Variants in SLC44A5 observed in about 807,000 individuals in gnomAD.
The protein encoded by SLC44A5 is solute carrier family 44 member 5, also known as choline transporter-like protein 5.
Under a neutral mutation model 101.8 loss-of-function variants are expected in SLC44A5, and 57 were observed. That is an observed-to-expected ratio of 0.56 (90% CI 0.45 to 0.70). The LOEUF is 0.70. Ranked by LOEUF, SLC44A5 falls within the 30% of genes least tolerant of loss-of-function variation. SLC44A5 has a pLI of 0.00. For missense variants in SLC44A5, 737 were observed against 853.1 expected (o/e 0.86, Z 1.70); for synonymous variants, 281 against 290.9 (o/e 0.97, Z 0.35).
chr1:75,539,763 A>G (rs1400340215), intron 2 of SLC44A5, among the ~76,000 whole-genome samples: 2 of 152,216 alleles, frequency 1.3e-5, no homozygotes, highest in African/African-American at 4.8e-5. Context: ...ATGGAGGCCA[A>G]CAGAAACATT....
At chr1:75,679,134 G>C in the SLC44A5 span, among the ~76,000 whole-genome samples, 1 of 152,194 alleles carries the variant, frequency 6.6e-6, no homozygotes, top group African/African-American at 2.4e-5. Context: ...ATCTACATCT[G>C]ATTGGTGTAC....
rs1651808303 is a variant in SLC44A5 at position 75,275,027 on chromosome 1, TC to T, written c.190del (p.Asp64ThrfsTer44). Reference protein sequence around the residue: ...VLGLVAWVHGDPRRAAYPTDS... With the variant: ...VLGLVAWVHGXPRRAAYPTDS... ...TGTAGGATAGGCTGCTCTTCTGGGG[TC>T]CCCATGTACCCAGGCTGCAGGAACA... On this transcript the variant is annotated frameshift_variant, in exon 6 of 24. Transcript: ENST00000370859. LOFTEE classifies it high-confidence loss of function. The T allele has an allele frequency of 6.2e-7, 1 of 1,612,424 alleles. No homozygotes were observed. Among genetic ancestry groups the T allele is most frequent in the Non-Finnish European group, 8.5e-7 (1 of 1,179,308 alleles).
chr1:75,662,158 T>A, the SLC44A5 span, among the ~76,000 whole-genome samples: 1 of 152,092 alleles, frequency 6.6e-6, no homozygotes, highest in African/African-American at 2.4e-5. Flanking sequence ...TGGAATCAAT[T>A]TTATTCAGTC....
At chr1:75,632,676 C>G in the SLC44A5 span, among the ~76,000 whole-genome samples, 6 of 152,142 alleles carry the variant, frequency 3.9e-5, no homozygotes, top group African/African-American at 1.4e-4. Flanking sequence ...GGCACTTGTT[C>G]ACGCTCCAGA....
chr1:75,348,153 T>G (rs1293214897), intron 3 of SLC44A5, among the ~76,000 whole-genome samples: 2 of 151,990 alleles, frequency 1.3e-5, no homozygotes, highest in African/African-American at 4.8e-5. Context: ...CTCTCTCCTC[T>G]CTCTCTCTTT....
the SLC44A5 span, among the ~76,000 whole-genome samples, chr1:75,633,394 A>T: frequency 4.6e-5 from 7 of 152,126 alleles, no homozygotes; most frequent in Admixed American, 2.0e-4. Context: ...CTTTTATTTC[A>T]TTGAGCAGTG....
At chr1:75,282,322 C>T (rs1233268376) in intron 5 of SLC44A5, among the ~76,000 whole-genome samples, 1 of 152,176 alleles carries the variant, frequency 6.6e-6, no homozygotes, top group Non-Finnish European at 1.5e-5. Flanking sequence ...TAACCCAATG[C>T]CTGTATCCCT....
intron 2 of SLC44A5, among the ~76,000 whole-genome samples, chr1:75,441,904 T>C (rs570181363): frequency 6.6e-6 from 1 of 152,116 alleles, no homozygotes; most frequent in Non-Finnish European, 1.5e-5. Flanking sequence ...TATAAGTGAT[T>C]TGAACAACTC....
intron 10 of SLC44A5, 128 bp downstream of exon 10, chr1:75,238,385 C>CAT (rs71081318): frequency 0.15 from 32,570 of 211,536 alleles, 3,445 homozygotes; most frequent in East Asian, 0.45. Context: ...ACGTATATTT[C>CAT]ATATATATAT....
rs148267780 is a variant in SLC44A5 at position 75,371,801 on chromosome 1, T to G, written c.52+24782A>C. Among the ~76,000 whole-genome samples, 933 of 152,294 alleles carry G rather than the reference T, an allele frequency of 6.1e-3. 7 individuals are homozygous for G. The highest frequency in any genetic ancestry group is 9.7e-3 in the Admixed American group (149 of 15,298). On this transcript the variant is annotated intron_variant, in intron 3 of 23. Coordinates refer to ENST00000370859, the MANE Select transcript of SLC44A5 (RefSeq NM_001130058.2). ...ATTTAGTTCAACCTTCTAAAGGCTG[T>G]TTTTCACACAGGTGAGGAACAGTTG... is the stretch of plus-strand genomic sequence containing the variant.
chr1:75,300,850 A>G (rs1320092295), intron 4 of SLC44A5, among the ~76,000 whole-genome samples, 165 bp from the exon 5 acceptor site: 1 of 152,190 alleles, frequency 6.6e-6, no homozygotes, highest in Non-Finnish European at 1.5e-5. Context: ...GTATTTCTGC[A>G]AAGACATTAG....
At chr1:75,609,461 T>C (rs926818548) in intron 1 of SLC44A5, among the ~76,000 whole-genome samples, 5 of 152,092 alleles carry the variant, frequency 3.3e-5, no homozygotes, top group African/African-American at 4.8e-5. Flanking sequence ...TAAAAGATTG[T>C]AGATTTTAAG....
intron 3 of SLC44A5, among the ~76,000 whole-genome samples, chr1:75,391,011 T>C (rs759095690): frequency 9.9e-5 from 15 of 152,090 alleles, no homozygotes; most frequent in South Asian, 2.1e-4. Context: ...GGATACAAAA[T>C]CAATGTAAAA....
chr1:75,591,227 C>A (rs1466787362), intron 1 of SLC44A5, among the ~76,000 whole-genome samples: 3 of 152,078 alleles, frequency 2.0e-5, no homozygotes, highest in Non-Finnish European at 4.4e-5. Context: ...TCGGGTGCCC[C>A]CTAAGGTGGG....
At chr1:75,506,261 A>G (rs748029479) in intron 2 of SLC44A5, among the ~76,000 whole-genome samples, 3 of 151,996 alleles carry the variant, frequency 2.0e-5, no homozygotes, top group South Asian at 4.1e-4. Context: ...TAGATTTATA[A>G]TATCATTTGA....
At chr1:75,331,525 T>C (rs968652441) in intron 4 of SLC44A5, among the ~76,000 whole-genome samples, 2 of 152,224 alleles carry the variant, frequency 1.3e-5, no homozygotes, top group Non-Finnish European at 2.9e-5. Context: ...CTCCTTCACT[T>C]ATACAACTGC....
At chr1:75,717,917 GT>G in the SLC44A5 span, among the ~76,000 whole-genome samples, 2 of 152,196 alleles carry the variant, frequency 1.3e-5, no homozygotes, top group Non-Finnish European at 2.9e-5. Context: ...CTGAGGTAAT[GT>G]TGAGGTGGTT....
chr1:75,367,376 C>T (rs909437690), intron 3 of SLC44A5, among the ~76,000 whole-genome samples: 1 of 152,136 alleles, frequency 6.6e-6, no homozygotes, highest in Non-Finnish European at 1.5e-5. Flanking sequence ...TCTCTGATAC[C>T]TTGGTCAGTA....
intron 11 of SLC44A5, among the ~76,000 whole-genome samples, chr1:75,234,369 A>C (rs1484503405): frequency 1.3e-5 from 2 of 152,072 alleles, no homozygotes. Context: ...GTTCAAGGAA[A>C]AATACAATTT....
Sources: allele counts gnomAD v4.1 joint callset (sites outside exome capture counted in the v4.1 genomes callset), GRCh38; gene constraint gnomAD v4.1.1; transcripts MANE v1.5; gene names NCBI Gene and HGNC (gene_info 2026-07-23, HGNC 2026-07-21).